ARFGEF1: variants seen among roughly 807,000 people sequenced by gnomAD.
ARFGEF1 encodes brefeldin A-inhibited guanine nucleotide-exchange protein 1.
A neutral mutation model predicts 231.0 loss-of-function variants in ARFGEF1; 42 were observed. The observed-to-expected ratio is 0.18, with a 90% confidence interval of 0.14 to 0.24. The LOEUF (loss-of-function observed/expected upper bound fraction) is 0.24. ARFGEF1 is among the 10% of genes least tolerant of loss of function. The pLI is 1.00. For synonymous variants in ARFGEF1, 710 were observed against 732.3 expected (o/e 0.97, Z 0.49); for missense variants, 1,345 against 2,192.0 (o/e 0.61, Z 7.72).
intron 37 of ARFGEF1, among the ~76,000 whole-genome samples, 174 bp downstream of exon 37, chr8:67,201,293 G>GTCACTAAAGCACAC (rs1183256374): frequency 2.0e-5 from 3 of 152,162 alleles, no homozygotes; most frequent in Non-Finnish European, 4.4e-5. Flanking sequence ...TTGGCCACAT[G>GTCACTAAAGCACAC]TCACTAAAGC....
At chr8:67,211,345 CAAAAAAA>C (rs375793043) in intron 34 of ARFGEF1, 131 bp downstream of exon 34, 15 of 247,298 alleles carry the variant, frequency 6.1e-5, no homozygotes, top group South Asian at 1.9e-4. Flanking sequence ...AACTCCGTCT[CAAAAAAA>C]AAAAAAAAAA....
chr8:67,190,569 TA>T, intron 5 of ARFGEF1: 1 of 995,838 alleles, frequency 1.0e-6, no homozygotes, highest in Non-Finnish European at 1.6e-6. Flanking sequence ...AAAATCTTAG[TA>T]ATTAAAAGGC....
At chr8:67,304,110 T>C (rs1477224688) in intron 1 of ARFGEF1, among the ~76,000 whole-genome samples, 3 of 152,218 alleles carry the variant, frequency 2.0e-5, no homozygotes, top group Admixed American at 6.5e-5. Context: ...AATTGGGGTA[T>C]GATAAACAAC....
At chr8:67,225,510 A>G (rs1255601852) in intron 28 of ARFGEF1, among the ~76,000 whole-genome samples, 5 of 152,214 alleles carry the variant, frequency 3.3e-5, no homozygotes, top group Non-Finnish European at 7.3e-5. Flanking sequence ...TTACAAAGAT[A>G]GATTCAAATA....
At chr8:67,290,553 A>G (rs1389833305) in intron 6 of ARFGEF1, among the ~76,000 whole-genome samples, 1 of 152,208 alleles carries the variant, frequency 6.6e-6, no homozygotes, top group Non-Finnish European at 1.5e-5. Flanking sequence ...CTAAGATCAC[A>G]CTAAAAGCAG....
chr8:67,178,293 C>A (rs555690572), intron 5 of ARFGEF1, among the ~76,000 whole-genome samples: 1 of 152,108 alleles, frequency 6.6e-6, no homozygotes, highest in African/African-American at 2.4e-5. Context: ...AGGAAGGGAA[C>A]AGAGAATGAT....
chr8:67,176,027 G>A, intron 5 of ARFGEF1, among the ~76,000 whole-genome samples: 1 of 150,570 alleles, frequency 6.6e-6, no homozygotes, highest in East Asian at 2.0e-4. Flanking sequence ...GAAGTGTGAT[G>A]CTAAAGAAGT....
At chr8:67,320,711 C>T (rs1036054285) in intron 1 of ARFGEF1, among the ~76,000 whole-genome samples, 45 of 152,126 alleles carry the variant, frequency 3.0e-4, no homozygotes, top group African/African-American at 1.0e-3. Context: ...AATCCCAGCA[C>T]TTTGGGAGGC....
In ARFGEF1 at chr8:67,182,011, T is replaced by C. The variant is rs1254967018; in HGVS notation, c.561-6439A>G. 2.6e-5 allele frequency among the ~76,000 whole-genome samples: 4 copies of C among 152,152 alleles called. No individual in the cohort carries two copies. In the East Asian group the frequency reaches 7.7e-4, roughly 29 times the overall value. On this transcript the variant is annotated intron_variant, in intron 5 of 5. Transcript: ENST00000518789. ...ATAGCATGTGTCAGATTTTCTTTTT[T>C]TACCCCTTAGAGACAGGGTCACCCT...
At chr8:67,246,926 C>A (rs1037421525) in intron 19 of ARFGEF1, among the ~76,000 whole-genome samples, 1 of 150,152 alleles carries the variant, frequency 6.7e-6, no homozygotes, top group East Asian at 1.9e-4. Context: ...ACAACTGATA[C>A]CACAGAAATT....
intron 5 of ARFGEF1, among the ~76,000 whole-genome samples, chr8:67,188,879 G>A (rs1835417558): frequency 6.6e-6 from 1 of 152,104 alleles, no homozygotes; most frequent in Admixed American, 6.6e-5. Context: ...TGTGACCCAC[G>A]GCTTCTAATA....
chr8:67,239,642 A>C (rs1839870996), intron 20 of ARFGEF1, among the ~76,000 whole-genome samples: 1 of 152,166 alleles, frequency 6.6e-6, no homozygotes, highest in Admixed American at 6.5e-5. Context: ...TACTTTTTGC[A>C]AGCCATTAGC....
At chr8:67,231,904 T>C (rs1419760418) in intron 23 of ARFGEF1, among the ~76,000 whole-genome samples, 1 of 151,926 alleles carries the variant, frequency 6.6e-6, no homozygotes, top group African/African-American at 2.4e-5. Flanking sequence ...TGTTATACAG[T>C]AGGTATGAGA....
intron 13 of ARFGEF1, 101 bp from the exon 14 acceptor site, chr8:67,266,308 C>T: frequency 1.2e-6 from 1 of 816,360 alleles, no homozygotes; most frequent in East Asian, 2.7e-5. Context: ...TTCAATGTTG[C>T]TTAGATATCT....
At chr8:67,247,792 C>G (rs567257136) in intron 19 of ARFGEF1, among the ~76,000 whole-genome samples, 3 of 150,318 alleles carry the variant, frequency 2.0e-5, no homozygotes, top group African/African-American at 7.4e-5. Flanking sequence ...GCAGGTGATA[C>G]GATCTTATAT....
At chr8:67,210,786 G>A (rs974841772) in intron 34 of ARFGEF1, among the ~76,000 whole-genome samples, 2 of 152,158 alleles carry the variant, frequency 1.3e-5, no homozygotes, top group African/African-American at 2.4e-5. Flanking sequence ...CAGGCGCAGT[G>A]GCTCACGCCT....
intron 1 of ARFGEF1, among the ~76,000 whole-genome samples, chr8:67,342,010 TTAA>T (rs1209291656): frequency 2.0e-5 from 3 of 152,234 alleles, no homozygotes; most frequent in African/African-American, 7.2e-5. Context: ...AGTCTTCCAT[TTAA>T]TAATTAAAAG....
intron 20 of ARFGEF1, among the ~76,000 whole-genome samples, chr8:67,239,930 GAAAA>G (rs138931646): frequency 1.3e-5 from 2 of 151,600 alleles, no homozygotes; most frequent in African/African-American, 4.8e-5. Context: ...CTTCAATAGA[GAAAA>G]AAAACTGTAA....
intron 1 of ARFGEF1, among the ~76,000 whole-genome samples, chr8:67,309,034 C>G (rs111386643): frequency 0.023 from 3,505 of 152,162 alleles, 89 homozygotes; most frequent in South Asian, 0.047. Flanking sequence ...TAAAGACAAT[C>G]TAATAAAATA....
Sources: gnomAD v4.1 joint callset for allele counts (sites outside exome capture counted in the v4.1 genomes callset) on GRCh38, gnomAD v4.1.1 for gene constraint, MANE v1.5 for transcripts, NCBI Gene and HGNC (gene_info 2026-07-23, HGNC 2026-07-21) for gene names.